Variants in LRP1B observed in about 807,000 individuals in gnomAD.
LRP1B encodes LDL receptor related protein 1B.
Under a neutral mutation model 556.6 loss-of-function variants are expected in LRP1B, and 217 were observed. The ratio of observed to expected loss-of-function variants is 0.39; its 90% CI spans 0.35 to 0.44. The LOEUF (loss-of-function observed/expected upper bound fraction) is 0.44, where lower values mean the gene tolerates loss of function less well. Among genes scored for constraint, LRP1B ranks in the 20% least tolerant of loss-of-function variants. The pLI, the probability that LRP1B is intolerant of heterozygous loss-of-function variation, is 1.00. For synonymous variants in LRP1B, 2,047 were observed against 1,865.8 expected, an observed-to-expected ratio of 1.10 and a Z score of -2.50; for missense variants, 5,053 against 5,620.8, an observed-to-expected ratio of 0.90 and a Z score of 3.23.
At chr2:141,452,062 T>C (rs1368242825) in intron 3 of LRP1B, among the ~76,000 whole-genome samples, 2 of 152,192 alleles carry the variant, frequency 1.3e-5, no homozygotes, top group African/African-American at 2.4e-5. Context: ...AATGAATTTG[T>C]CCTTAACTAT....
rs182201966 is a variant in LRP1B, at chr2:141,404,234, A to C, written c.343+76162T>G. ...GCCTATGTCTAGTTTTCACAATAAA[A>C]TATCTGGTTAGAAATTTCAACAATC... On this transcript the variant is annotated intron_variant, in intron 3 of 90. Transcript: ENST00000389484. 1.1e-4 allele frequency among the ~76,000 whole-genome samples: 16 copies of C among 152,344 alleles called. No individual in the cohort carries two copies. In the East Asian group the frequency reaches 2.9e-3, roughly 28 times the overall value.
At chr2:141,025,014 G>GT (rs1163249549) in intron 11 of LRP1B, among the ~76,000 whole-genome samples, 15 of 152,050 alleles carry the variant, frequency 9.9e-5, no homozygotes, top group African/African-American at 3.6e-4. Flanking sequence ...AGAAAAAACA[G>GT]TAAGTGTCTT....
chr2:140,907,543 A>T (rs2105230830), intron 22 of LRP1B, among the ~76,000 whole-genome samples: 1 of 152,276 alleles, frequency 6.6e-6, no homozygotes, highest in East Asian at 1.9e-4. Context: ...GAGGAACAAC[A>T]AGTTTTCCTT....
intron 2 of LRP1B, among the ~76,000 whole-genome samples, chr2:141,747,730 T>A (rs904947686): frequency 1.3e-5 from 2 of 152,214 alleles, no homozygotes; most frequent in African/African-American, 4.8e-5. Flanking sequence ...AGGCAAGGAA[T>A]GATTTATTTC....
chr2:141,710,311 A>G (rs1692311847), intron 2 of LRP1B, among the ~76,000 whole-genome samples: 1 of 152,162 alleles, frequency 6.6e-6, no homozygotes, highest in Non-Finnish European at 1.5e-5. Flanking sequence ...TTTTAAATAT[A>G]TTCAGGAGGA....
chr2:141,967,916 T>C (rs1341683418), intron 1 of LRP1B, among the ~76,000 whole-genome samples: 4 of 151,868 alleles, frequency 2.6e-5, no homozygotes, highest in African/African-American at 9.7e-5. Flanking sequence ...TGTGGTTAAT[T>C]TTTATCATAG....
At chr2:141,618,707 T>G (rs1688397797) in intron 2 of LRP1B, among the ~76,000 whole-genome samples, 1 of 152,118 alleles carries the variant, frequency 6.6e-6, no homozygotes, top group Admixed American at 6.5e-5. Context: ...TTGTGCCGGA[T>G]ATGTTTTGGT....
intron 60 of LRP1B, among the ~76,000 whole-genome samples, chr2:140,472,686 A>G (rs1309092522): frequency 2.0e-5 from 3 of 152,096 alleles, no homozygotes; most frequent in Non-Finnish European, 2.9e-5. Flanking sequence ...GTCTAGACAA[A>G]TAATAATAAA....
At chr2:140,821,434 T>C (rs1691325557) in intron 31 of LRP1B, among the ~76,000 whole-genome samples, 1 of 152,174 alleles carries the variant, frequency 6.6e-6, no homozygotes, top group African/African-American at 2.4e-5. Flanking sequence ...TTAAATGGAA[T>C]GTGCTTCCTA....
intron 83 of LRP1B, among the ~76,000 whole-genome samples, chr2:140,301,536 A>G (rs1683821200): frequency 6.6e-6 from 1 of 152,146 alleles, no homozygotes; most frequent in African/African-American, 2.4e-5. Context: ...GTGACAGAGT[A>G]AAATATTCAA....
intron 2 of LRP1B, among the ~76,000 whole-genome samples, chr2:141,511,280 C>T (rs1231678495): frequency 6.6e-6 from 1 of 152,086 alleles, no homozygotes; most frequent in Non-Finnish European, 1.5e-5. Flanking sequence ...TGTCTTCAAT[C>T]AAAACAGAAA....
At chr2:140,931,689 C>A (rs10496862) in intron 20 of LRP1B, among the ~76,000 whole-genome samples, 1 of 151,950 alleles carries the variant, frequency 6.6e-6, no homozygotes, top group African/African-American at 2.4e-5. Flanking sequence ...AAAGTACTAT[C>A]GAAGCAAAAT....
In LRP1B at chr2:140,234,854, A is replaced by C. The variant is rs2104874658; in HGVS notation, c.13591T>G (p.Phe4531Val). The part of the protein sequence containing the change: ...ARYIGGGPSA[F>V]KLPHTAPPIY... ...GGCGGCGCTGTGTGTGGAAGCTTGA[A>C]AGCACTGGGTCCTCCCCCTATGTAC... Residue 4531 changes from phenylalanine to valine, a missense_variant, in exon 90 of 91, where the codon TTC becomes GTC. Phe to Val is a conservative substitution (Grantham distance 50). Coordinates refer to ENST00000389484, the MANE Select transcript of LRP1B (RefSeq NM_018557.3). The C allele has an allele frequency of 1.3e-6, 1 of 775,724 alleles. No homozygotes were observed. Among genetic ancestry groups the C allele is most frequent in the Non-Finnish European group, 2.4e-6 (1 of 414,828 alleles). 48.1% of individuals were successfully genotyped at this position (775,724 alleles called of 1,614,324 possible).
rs146096469 is a variant in LRP1B at position 141,619,654 on chromosome 2, A to C, written c.206-139121T>G. 2.6e-4 allele frequency among the ~76,000 whole-genome samples: 39 copies of C among 152,324 alleles called. 2 individuals are homozygous for C. The East Asian group carries it at 7.5e-3, about 29-fold the overall frequency. On this transcript the variant is annotated intron_variant, in intron 2 of 90. Transcript: ENST00000389484. The stretch of plus-strand genomic sequence containing the variant: ...GAATCTGTGAGTTTGCAAATTAATG[A>C]ATTCAAATTATCTGGAGCTTAGTTC...
At chr2:140,776,822 C>T (rs1423624778) in intron 32 of LRP1B, among the ~76,000 whole-genome samples, 1 of 152,066 alleles carries the variant, frequency 6.6e-6, no homozygotes, top group Non-Finnish European at 1.5e-5. Context: ...CCGGTACCAC[C>T]TACTGAGTGT....
At chr2:140,321,810 G>A (rs1316004880) in intron 82 of LRP1B, among the ~76,000 whole-genome samples, 153 bp downstream of exon 82, 1 of 151,564 alleles carries the variant, frequency 6.6e-6, no homozygotes, top group African/African-American at 2.4e-5. Context: ...GTCTTCTCCA[G>A]AGAAAAGTAC....
intron 6 of LRP1B, among the ~76,000 whole-genome samples, chr2:141,189,028 T>C (rs905233666): frequency 6.6e-6 from 1 of 151,864 alleles, no homozygotes; most frequent in African/African-American, 2.4e-5. Context: ...AAGGAAAGGG[T>C]GGAGAAGATG....
At chr2:142,115,849 TATATA>T (rs1215282334) in intron 1 of LRP1B, among the ~76,000 whole-genome samples, 10 of 9,952 alleles carry the variant, frequency 1.0e-3, no homozygotes, top group African/African-American at 3.2e-3. Context: ...GTAATATATA[TATATA>T]CATATATATA....
intron 32 of LRP1B, among the ~76,000 whole-genome samples, chr2:140,806,444 A>T (rs913715634): frequency 1.3e-4 from 20 of 152,198 alleles, no homozygotes; most frequent in African/African-American, 4.8e-4. Context: ...ACGGAATGAT[A>T]TATAAATGAG....
Sources: allele counts gnomAD v4.1 joint callset (sites outside exome capture counted in the v4.1 genomes callset), GRCh38; gene constraint gnomAD v4.1.1; transcripts MANE v1.5; gene names NCBI Gene and HGNC (gene_info 2026-07-23, HGNC 2026-07-21).